The following ACVR2A variants were observed in gnomAD, a reference collection of about 807,000 sequenced individuals.
ACVR2A encodes activin A receptor type 2A.
Under a neutral mutation model 61.4 loss-of-function variants are expected in ACVR2A, and 7 were observed. That is an observed-to-expected ratio of 0.11 (90% CI 0.06 to 0.21). ACVR2A has a LOEUF of 0.21. Ranked by LOEUF, ACVR2A falls within the 10% of genes least tolerant of loss-of-function variation. The pLI, the probability that ACVR2A is intolerant of heterozygous loss-of-function variation, is 1.00. For missense variants in ACVR2A, 322 were observed against 621.7 expected (o/e 0.52, Z 5.13); for synonymous variants, 193 against 208.3 (o/e 0.93, Z 0.63).
At chr2:147,854,107 C>T (rs921796224) in intron 1 of ACVR2A, among the ~76,000 whole-genome samples, 1 of 152,090 alleles carries the variant, frequency 6.6e-6, no homozygotes, top group African/African-American at 2.4e-5. Context: ...GGGATATTTA[C>T]ATTTGCAGGT....
chr2:147,852,884 A>C (rs1243227837), intron 1 of ACVR2A, among the ~76,000 whole-genome samples: 1 of 152,104 alleles, frequency 6.6e-6, no homozygotes, highest in Non-Finnish European at 1.5e-5. Context: ...ACTAAATCTG[A>C]GGAAGAGATT....
chr2:147,903,943 T>A (rs1206293748), intron 4 of ACVR2A, among the ~76,000 whole-genome samples: 1 of 152,008 alleles, frequency 6.6e-6, no homozygotes. Context: ...TATACTGAGA[T>A]GATAATGAAG....
chr2:147,928,875 T>A lies in ACVR2A; in HGVS notation c.*1601T>A, dbSNP rs1050093922. On this transcript the variant is annotated 3_prime_UTR_variant, in exon 11 of 11. Coordinates refer to ENST00000241416, the MANE Select transcript of ACVR2A (RefSeq NM_001616.5). ...ATTAATCAACAAATAGCCAGTATTA[T>A]GCTGTGTATTTCTGTCAGGTCATTT... 3 of 152,426 alleles carry A rather than the reference T, an allele frequency of 2.0e-5. No individual in the cohort carries two copies. The highest frequency in any genetic ancestry group is 4.4e-5 in the Non-Finnish European group (3 of 67,950). The allele number at this position is 152,426 out of a possible 1,614,324, so 9.4% of individuals were successfully genotyped here. A position where few individuals can be genotyped will look rare whatever the true frequency, so the allele number is the denominator to read the frequency against.
At chr2:147,852,286 T>C (rs1293133982) in intron 1 of ACVR2A, among the ~76,000 whole-genome samples, 1 of 152,058 alleles carries the variant, frequency 6.6e-6, no homozygotes, top group Non-Finnish European at 1.5e-5. Flanking sequence ...TTTCATGAAC[T>C]GTGTACTCTT....
At chr2:147,871,065 A>C (rs16827972) in intron 1 of ACVR2A, among the ~76,000 whole-genome samples, 2 of 152,120 alleles carry the variant, frequency 1.3e-5, no homozygotes, top group South Asian at 2.1e-4. Flanking sequence ...AGACTCTTCT[A>C]TTTCTTTTGG....
rs141809744 is a variant in ACVR2A at position 147,909,767 on chromosome 2, A to G, written c.529-5424A>G. 4.6e-3 allele frequency among the ~76,000 whole-genome samples: 695 copies of G among 152,242 alleles called. 19 individuals are homozygous for G. Among genetic ancestry groups the G allele is most frequent in the Admixed American group, 0.041 (621 of 15,278 alleles). On this transcript the variant is annotated intron_variant, in intron 4 of 10. Coordinates refer to ENST00000241416, the MANE Select transcript of ACVR2A (RefSeq NM_001616.5). ...GTCTTCCCTCCTCAGACATCCGAGT[A>G]GCTGGGACCACAGGCATATGCAACC...
chr2:147,875,153 T>C (rs1686121711), intron 1 of ACVR2A, among the ~76,000 whole-genome samples: 1 of 152,032 alleles, frequency 6.6e-6, no homozygotes, highest in African/African-American at 2.4e-5. Flanking sequence ...GTCAGTATTA[T>C]AAATTTTTTT....
At chr2:147,850,670 AT>A (rs11311930) in intron 1 of ACVR2A, among the ~76,000 whole-genome samples, 42,713 of 151,874 alleles carry the variant, frequency 0.28, 6,428 homozygotes, top group East Asian at 0.46. Flanking sequence ...CAAATTGACT[AT>A]TGAACATGAA....
intron 2 of ACVR2A, 177 bp from the exon 3 acceptor site, chr2:147,899,281 A>G: frequency 2.3e-6 from 1 of 437,902 alleles, no homozygotes; most frequent in African/African-American, 2.0e-5. Context: ...TTCTTAAGAG[A>G]TTTAGTAACA....
At chr2:147,884,022 AC>A (rs1360280279) in intron 1 of ACVR2A, among the ~76,000 whole-genome samples, 2 of 152,120 alleles carry the variant, frequency 1.3e-5, no homozygotes, top group African/African-American at 2.4e-5. Flanking sequence ...TGTAATTGAC[AC>A]TTTTAGGTTG....
intron 9 of ACVR2A, among the ~76,000 whole-genome samples, chr2:147,924,054 G>T (rs1687446735): frequency 6.6e-6 from 1 of 152,010 alleles, no homozygotes; most frequent in Non-Finnish European, 1.5e-5. Context: ...CAGGATTGAG[G>T]GATTGGCTTG....
intron 1 of ACVR2A, among the ~76,000 whole-genome samples, chr2:147,893,313 G>C (rs1686636087): frequency 6.6e-6 from 1 of 152,080 alleles, no homozygotes; most frequent in Non-Finnish European, 1.5e-5. Context: ...TTAGTTTTCA[G>C]AGATTATCAA....
At chr2:147,899,006 T>G in intron 2 of ACVR2A, among the ~76,000 whole-genome samples, 1 of 152,132 alleles carries the variant, frequency 6.6e-6, no homozygotes, top group East Asian at 1.9e-4. Context: ...TGTGTATGTA[T>G]TTATATGTAT....
chr2:147,922,160 C>T (rs1687395957), intron 8 of ACVR2A, among the ~76,000 whole-genome samples: 1 of 151,786 alleles, frequency 6.6e-6, no homozygotes. Flanking sequence ...GCCACTTTTC[C>T]CTTTAATGTG....
At chr2:147,921,413 G>A (rs528732916) in intron 8 of ACVR2A, among the ~76,000 whole-genome samples, 8 of 152,140 alleles carry the variant, frequency 5.3e-5, no homozygotes, top group Non-Finnish European at 8.8e-5. Flanking sequence ...TCAGGCCTTC[G>A]ACATTATCAT....
intron 9 of ACVR2A, among the ~76,000 whole-genome samples, chr2:147,925,416 T>C (rs1378175416): frequency 1.3e-5 from 2 of 151,966 alleles, no homozygotes; most frequent in African/African-American, 4.8e-5. Flanking sequence ...ATTTATGTTG[T>C]TTAATGTTGT....
At chr2:147,887,811 G>T (rs1686479995) in intron 1 of ACVR2A, among the ~76,000 whole-genome samples, 2 of 152,160 alleles carry the variant, frequency 1.3e-5, no homozygotes, top group African/African-American at 4.8e-5. Context: ...TTAAAAATCA[G>T]TGAGTAAATA....
At chr2:147,845,783 T>G in intron 1 of ACVR2A, among the ~76,000 whole-genome samples, 1 of 152,198 alleles carries the variant, frequency 6.6e-6, no homozygotes, top group Admixed American at 6.5e-5. Flanking sequence ...GTTGTAGTTG[T>G]TGTTGGAGTA....
At chr2:147,861,803 A>G (rs1685732924) in intron 1 of ACVR2A, among the ~76,000 whole-genome samples, 1 of 152,204 alleles carries the variant, frequency 6.6e-6, no homozygotes, top group Non-Finnish European at 1.5e-5. Flanking sequence ...AGAGAAAGAT[A>G]AAGTGGTGTG....
Sources: gnomAD v4.1 joint callset for allele counts (sites outside exome capture counted in the v4.1 genomes callset) on GRCh38, gnomAD v4.1.1 for gene constraint, MANE v1.5 for transcripts, NCBI Gene and HGNC (gene_info 2026-07-23, HGNC 2026-07-21) for gene names.